TPCN1: variants seen among roughly 807,000 people sequenced by gnomAD.
TPCN1 encodes two pore channel protein 1.
TPCN1 carries 52 observed loss-of-function variants against 108.8 expected under a neutral mutation model. The observed-to-expected ratio is 0.48, with a 90% CI of 0.38 to 0.60. The LOEUF (loss-of-function observed/expected upper bound fraction) is 0.60, where lower values mean the gene tolerates loss of function less well. TPCN1 is among the 20% of genes least tolerant of loss of function. The pLI is 0.00. For missense variants in TPCN1, 806 were observed against 1,072.8 expected, an observed-to-expected ratio of 0.75 and a Z score of 3.47; for synonymous variants, 446 against 433.7, an observed-to-expected ratio of 1.03 and a Z score of -0.35.
intron 4 of TPCN1, among the ~76,000 whole-genome samples, chr12:113,267,278 G>C (rs566484320): frequency 6.6e-6 from 1 of 152,154 alleles, no homozygotes; most frequent in African/African-American, 2.4e-5. Flanking sequence ...TTGACAATCG[G>C]ATTTTATTTC....
chr12:113,283,091 A>G (rs1955946099), intron 15 of TPCN1, among the ~76,000 whole-genome samples: 1 of 152,174 alleles, frequency 6.6e-6, no homozygotes, highest in South Asian at 2.1e-4. Context: ...AAAAGCAAAA[A>G]AAAATTATGT....
At chr12:113,286,077 G>C in intron 18 of TPCN1, 116 bp downstream of exon 18, 1 of 904,686 alleles carries the variant, frequency 1.1e-6, no homozygotes, top group East Asian at 2.5e-5. Flanking sequence ...AGGGTCTGAG[G>C]ATGGGCTGAG....
intron 12 of TPCN1, among the ~76,000 whole-genome samples, chr12:113,277,799 G>A (rs1955725313): frequency 6.6e-6 from 1 of 152,150 alleles, no homozygotes; most frequent in African/African-American, 2.4e-5. Context: ...GTCCACAGCA[G>A]CCTGCTGTGG....
intron 2 of TPCN1, among the ~76,000 whole-genome samples, chr12:113,235,733 C>T (rs962388332): frequency 6.6e-6 from 1 of 152,040 alleles, no homozygotes; most frequent in Admixed American, 6.6e-5. Context: ...TGGTGTATAA[C>T]TCTAGAAGGG....
chr12:113,279,571 T>C (rs1955821283), intron 14 of TPCN1, among the ~76,000 whole-genome samples: 1 of 150,666 alleles, frequency 6.6e-6, no homozygotes, highest in Admixed American at 6.6e-5. Context: ...GCTAATTTTG[T>C]GTGTGTGTGT....
intron 19 of TPCN1, among the ~76,000 whole-genome samples, chr12:113,287,606 C>T (rs1956124827): frequency 6.6e-6 from 1 of 152,234 alleles, no homozygotes. Flanking sequence ...CCTGGGCTTG[C>T]CTCCTGACCC....
chr12:113,253,409 T>C (rs1159154983), intron 2 of TPCN1, among the ~76,000 whole-genome samples: 1 of 152,236 alleles, frequency 6.6e-6, no homozygotes, highest in Non-Finnish European at 1.5e-5. Flanking sequence ...GCAACATTTA[T>C]TTTGCTTGAG....
chr12:113,295,869 G>C, intron 27 of TPCN1, 91 bp from the exon 28 acceptor site: 1 of 1,398,846 alleles, frequency 7.1e-7, no homozygotes, highest in African/African-American at 1.4e-5. Flanking sequence ...GCCCCTTCCA[G>C]CCTGGATGCT....
chr12:113,250,859 A>C (rs908412270), intron 2 of TPCN1, among the ~76,000 whole-genome samples: 3 of 152,022 alleles, frequency 2.0e-5, no homozygotes, highest in Non-Finnish European at 4.4e-5. Context: ...CCAGCTACTC[A>C]GGAGGCTGAA....
intron 2 of TPCN1, among the ~76,000 whole-genome samples, chr12:113,243,324 C>T (rs76835996): frequency 0.059 from 8,925 of 150,500 alleles, 357 homozygotes; most frequent in Middle Eastern, 0.073. Context: ...GAGCCAAGAT[C>T]GTGCCATTGC....
At chr12:113,248,722 C>G (rs943758781) in intron 2 of TPCN1, among the ~76,000 whole-genome samples, 1 of 152,148 alleles carries the variant, frequency 6.6e-6, no homozygotes, top group African/African-American at 2.4e-5. Flanking sequence ...ACCCTCTGAT[C>G]AAGGGAGGCT....
chr12:113,274,308 C>A (rs145647938), intron 10 of TPCN1, among the ~76,000 whole-genome samples: 7 of 151,910 alleles, frequency 4.6e-5, no homozygotes, highest in African/African-American at 1.5e-4. Context: ...ATTAGCTGGG[C>A]GTGGTGGTGG....
chr12:113,241,227 G>A (rs1361002267), intron 2 of TPCN1, among the ~76,000 whole-genome samples: 1 of 152,230 alleles, frequency 6.6e-6, no homozygotes, highest in African/African-American at 2.4e-5. Context: ...CTGGAGAAGT[G>A]GCAGGCCTAG....
intron 2 of TPCN1, among the ~76,000 whole-genome samples, chr12:113,240,028 G>A (rs148115696): frequency 2.2e-4 from 33 of 151,980 alleles, no homozygotes; most frequent in African/African-American, 5.6e-4. Flanking sequence ...TGTGACTCTC[G>A]AGGGGCCTCT....
chr12:113,258,673 C>G (rs1050683422), intron 2 of TPCN1, among the ~76,000 whole-genome samples: 2 of 152,106 alleles, frequency 1.3e-5, no homozygotes, highest in African/African-American at 4.8e-5. Flanking sequence ...CCTAGCTGCT[C>G]AGGAGGCTGA....
chr12:113,277,113 G>A, intron 11 of TPCN1, 78 bp downstream of exon 11: 13 of 1,595,822 alleles, frequency 8.1e-6, no homozygotes, highest in Non-Finnish European at 1.1e-5. Flanking sequence ...GCATGGCCAG[G>A]CCAGCCACTT....
intron 15 of TPCN1, among the ~76,000 whole-genome samples, chr12:113,282,957 G>A (rs1447625831): frequency 6.6e-6 from 1 of 151,866 alleles, no homozygotes; most frequent in African/African-American, 2.4e-5. Flanking sequence ...CACGCCTGTG[G>A]TCCCAGCTAC....
In TPCN1 at chr12:113,298,143, A is replaced by G. The variant is rs747878395; in HGVS notation, c.*2067A>G. On this transcript the variant is annotated 3_prime_UTR_variant, in exon 28 of 28. Coordinates refer to ENST00000335509, the MANE Select transcript of TPCN1 (RefSeq NM_017901.6). ...TTGGCCAGGACCTGACAAATACCCAATGGCAGCAGTGTCAACAGACGGGAG... is the reference window on the plus strand; with the variant it reads ...TTGGCCAGGACCTGACAAATACCCAGTGGCAGCAGTGTCAACAGACGGGAG... 4 of 152,328 alleles carry G rather than the reference A, an allele frequency of 2.6e-5. No homozygotes were observed. The highest frequency in any genetic ancestry group is 9.6e-5 in the African/African-American group (4 of 41,458). The allele number at this position is 152,328 out of a possible 1,614,324, so 9.4% of individuals were successfully genotyped here.
At chr12:113,275,422 T>C (rs61943616) in intron 10 of TPCN1, among the ~76,000 whole-genome samples, 8,860 of 150,814 alleles carry the variant, frequency 0.059, 360 homozygotes, top group Middle Eastern at 0.074. Context: ...TTTTGTATTT[T>C]TGGTAGAGAC....
Sources: gnomAD v4.1 joint callset for allele counts (sites outside exome capture counted in the v4.1 genomes callset) on GRCh38, gnomAD v4.1.1 for gene constraint, MANE v1.5 for transcripts, NCBI Gene and HGNC (gene_info 2026-07-23, HGNC 2026-07-21) for gene names.